The following PRR16 variants were observed in gnomAD, a reference collection of about 807,000 sequenced individuals.
PRR16 encodes the protein proline rich 16.
PRR16 carries 6 observed loss-of-function variants against 18.2 expected under a neutral mutation model. The observed-to-expected ratio is 0.33, with a 90% confidence interval of 0.18 to 0.65. The LOEUF (loss-of-function observed/expected upper bound fraction) is 0.65. PRR16 is among the 30% of genes least tolerant of loss of function. PRR16 has a pLI of 0.74. For missense variants in PRR16, 412 were observed against 376.6 expected, an observed-to-expected ratio of 1.09 and a Z score of -0.78; for synonymous variants, 151 against 147.8, an observed-to-expected ratio of 1.02 and a Z score of -0.16.
the PRR16 span, among the ~76,000 whole-genome samples, chr5:120,754,308 T>C: frequency 3.5e-5 from 2 of 57,220 alleles, no homozygotes; most frequent in South Asian, 5.9e-4. Context: ...ATATATAATA[T>C]ATAACATATA....
chr5:120,568,125 A>C (rs574784884), intron 1 of PRR16, among the ~76,000 whole-genome samples: 1 of 152,338 alleles, frequency 6.6e-6, no homozygotes, highest in East Asian at 1.9e-4. Context: ...TTGCATATTA[A>C]TCATCATTTT....
At chr5:120,654,677 G>A (rs1440476414) in intron 1 of PRR16, among the ~76,000 whole-genome samples, 24 of 151,852 alleles carry the variant, frequency 1.6e-4, no homozygotes, top group Admixed American at 1.5e-3. Context: ...CAGAGTGAGA[G>A]AGAATATACT....
chr5:120,751,129 T>C, the PRR16 span, among the ~76,000 whole-genome samples: 1 of 152,178 alleles, frequency 6.6e-6, no homozygotes, highest in Non-Finnish European at 1.5e-5. Context: ...ATTAATGTCA[T>C]TTTTATGGCT....
At chr5:120,561,561 A>C (rs935354314) in intron 1 of PRR16, among the ~76,000 whole-genome samples, 3 of 152,116 alleles carry the variant, frequency 2.0e-5, no homozygotes, top group Non-Finnish European at 4.4e-5. Context: ...AGAATGACCC[A>C]TATGCTGAAG....
intron 1 of PRR16, among the ~76,000 whole-genome samples, chr5:120,472,888 T>TAGTA (rs1749315119): frequency 6.6e-6 from 1 of 152,184 alleles, no homozygotes; most frequent in South Asian, 2.1e-4. Context: ...ATGTTTGCCA[T>TAGTA]AGTATATCAG....
intron 1 of PRR16, among the ~76,000 whole-genome samples, chr5:120,643,154 ATGTT>A (rs1755477073): frequency 6.6e-6 from 1 of 151,796 alleles, no homozygotes; most frequent in Admixed American, 6.6e-5. Flanking sequence ...TGATAATAAA[ATGTT>A]TGAAACAAAG....
the PRR16 span, among the ~76,000 whole-genome samples, chr5:120,742,392 C>T: frequency 6.6e-6 from 1 of 151,006 alleles, no homozygotes; most frequent in South Asian, 2.1e-4. Context: ...TCAGCTCTTA[C>T]ATTCAAAACT....
At chr5:120,650,195 G>A (rs1755729701) in intron 1 of PRR16, among the ~76,000 whole-genome samples, 1 of 148,936 alleles carries the variant, frequency 6.7e-6, no homozygotes. Flanking sequence ...CCAGCCTGGT[G>A]ACAGAACAAG....
At chr5:120,629,413 A>G (rs1295649434) in intron 1 of PRR16, among the ~76,000 whole-genome samples, 61 of 152,102 alleles carry the variant, frequency 4.0e-4, no homozygotes, top group Non-Finnish European at 2.9e-5. Context: ...CATTATTTCT[A>G]AATATGTTTT....
chr5:120,629,321 TATATACTCAATA>T (rs1754978895), intron 1 of PRR16, among the ~76,000 whole-genome samples: 1 of 152,146 alleles, frequency 6.6e-6, no homozygotes, highest in African/African-American at 2.4e-5. Context: ...TAATTTTGAG[TATATACTCAATA>T]ATATACTCAA....
At position 120,648,500 on chromosome 5, in the gene PRR16, C is replaced by T. The variant is rs77635348; in HGVS notation, c.160-37454C>T. Among the ~76,000 whole-genome samples the T allele has an allele frequency of 4.9e-3, 745 of 152,206 alleles. 1 individual carries two copies. The highest frequency in any genetic ancestry group is 0.017 in the African/African-American group (715 of 41,532). ...TTGTTAAGCTCAGTATAGAAGCTTT[C>T]TGCCTGAGAGATGGCTGTTTGGAGT... On this transcript the variant is annotated intron_variant, in intron 1 of 1. Transcript: ENST00000407149.
At chr5:120,627,803 C>G (rs1299775055) in intron 1 of PRR16, among the ~76,000 whole-genome samples, 1 of 152,024 alleles carries the variant, frequency 6.6e-6, no homozygotes, top group Non-Finnish European at 1.5e-5. Context: ...TGCTTAAAAG[C>G]CTTAGATCTC....
At chr5:120,775,511 T>C in the PRR16 span, among the ~76,000 whole-genome samples, 1 of 152,212 alleles carries the variant, frequency 6.6e-6, no homozygotes, top group Non-Finnish European at 1.5e-5. Flanking sequence ...AGTTGAAATA[T>C]AGCATTAATA....
chr5:120,616,475 C>G (rs1754515238), intron 1 of PRR16, among the ~76,000 whole-genome samples: 1 of 152,130 alleles, frequency 6.6e-6, no homozygotes, highest in African/African-American at 2.4e-5. Flanking sequence ...TTCCCATGAC[C>G]CCAGAGTATG....
At chr5:120,466,388 G>T (rs1033298058) in intron 1 of PRR16, among the ~76,000 whole-genome samples, 1 of 152,154 alleles carries the variant, frequency 6.6e-6, no homozygotes, top group Non-Finnish European at 1.5e-5. Flanking sequence ...ACCTACAGCG[G>T]CACAGAAACG....
At chr5:120,509,656 C>T (rs1233735243) in intron 1 of PRR16, among the ~76,000 whole-genome samples, 2 of 152,048 alleles carry the variant, frequency 1.3e-5, no homozygotes, top group Non-Finnish European at 2.9e-5. Flanking sequence ...CGACTGCTTT[C>T]GAATTTTCAA....
the PRR16 span, among the ~76,000 whole-genome samples, chr5:120,756,446 CCT>C: frequency 6.6e-6 from 1 of 152,096 alleles, no homozygotes; most frequent in Non-Finnish European, 1.5e-5. Flanking sequence ...TTCTCTGCGG[CCT>C]CACCAGCATC....
the PRR16 span, among the ~76,000 whole-genome samples, chr5:120,726,180 T>A: frequency 1.3e-5 from 2 of 152,112 alleles, no homozygotes; most frequent in African/African-American, 4.8e-5. Context: ...ATTGAAAATA[T>A]AAGGAAAGTT....
the PRR16 span, among the ~76,000 whole-genome samples, chr5:120,766,036 A>C: frequency 6.6e-6 from 1 of 152,114 alleles, no homozygotes; most frequent in Admixed American, 6.6e-5. Flanking sequence ...TGGCCTTTGC[A>C]GTTTAGGGCT....
Sources: allele counts gnomAD v4.1 joint callset (sites outside exome capture counted in the v4.1 genomes callset), GRCh38; gene constraint gnomAD v4.1.1; transcripts MANE v1.5; gene names NCBI Gene and HGNC (gene_info 2026-07-23, HGNC 2026-07-21).